ROBO2: variants seen among roughly 807,000 people sequenced by gnomAD.
ROBO2 encodes the protein roundabout homolog 2.
A neutral mutation model predicts 160.8 loss-of-function variants in ROBO2; 53 were observed. The observed-to-expected ratio is 0.33, with a 90% CI of 0.26 to 0.41. The LOEUF (loss-of-function observed/expected upper bound fraction) is 0.41, where lower values mean the gene tolerates loss of function less well. Ranked by LOEUF, ROBO2 falls within the 10% of genes least tolerant of loss-of-function variation. The pLI is 1.00. For missense variants in ROBO2, 1,577 were observed against 1,722.4 expected, an observed-to-expected ratio of 0.92 and a Z score of 1.49; for synonymous variants, 664 against 611.7, an observed-to-expected ratio of 1.09 and a Z score of -1.26.
At chr3:76,290,115 C>G (rs972936456) in intron 2 of ROBO2, among the ~76,000 whole-genome samples, 1 of 152,082 alleles carries the variant, frequency 6.6e-6, no homozygotes, top group African/African-American at 2.4e-5. Flanking sequence ...ATTGATTCTT[C>G]TAATCCATGA....
intron 2 of ROBO2, among the ~76,000 whole-genome samples, chr3:77,381,209 G>A (rs913067121): frequency 6.6e-6 from 1 of 152,156 alleles, no homozygotes. Flanking sequence ...CAGCTACTCC[G>A]GAGGCTGAGG....
chr3:77,548,710 T>A (rs1292406097), intron 7 of ROBO2, among the ~76,000 whole-genome samples: 1 of 151,936 alleles, frequency 6.6e-6, no homozygotes, highest in Non-Finnish European at 1.5e-5. Flanking sequence ...TTACATAAAA[T>A]CTTAAGTCTA....
At chr3:77,330,449 T>C (rs1581120560) in intron 2 of ROBO2, among the ~76,000 whole-genome samples, 1 of 151,898 alleles carries the variant, frequency 6.6e-6, no homozygotes, top group Non-Finnish European at 1.5e-5. Flanking sequence ...ATCTGGGAGG[T>C]GGAGGTTGCT....
intron 1 of ROBO2, among the ~76,000 whole-genome samples, chr3:77,060,998 C>T (rs2066245502): frequency 6.6e-6 from 1 of 151,826 alleles, no homozygotes; most frequent in South Asian, 2.1e-4. Context: ...GACAGTGGTG[C>T]AATCATAGCT....
At position 76,921,681 on chromosome 3, in the gene ROBO2, G is replaced by C. The variant is rs187884834; in HGVS notation, c.110-176333G>C. Among the ~76,000 whole-genome samples the C allele has an allele frequency of 8.5e-3, 1,289 of 152,088 alleles. 8 individuals are homozygous for C. The highest frequency in any genetic ancestry group is 0.012 in the Non-Finnish European group (837 of 67,938). On this transcript the variant is annotated intron_variant, in intron 2 of 26. Coordinates refer to the ROBO2 transcript ENST00000487694. ...TAAAAGCATTGAGTGTTTTTTGTTT[G>C]TTTCTTTCTTTCTTTCTTTCTTTTT...
chr3:76,732,252 C>T (rs2093648468), intron 2 of ROBO2, among the ~76,000 whole-genome samples: 1 of 152,040 alleles, frequency 6.6e-6, no homozygotes, highest in Non-Finnish European at 1.5e-5. Context: ...TCTTAGAAGA[C>T]TGAAGGAGAC....
chr3:76,791,829 C>T (rs990063409), intron 2 of ROBO2, among the ~76,000 whole-genome samples: 5 of 151,816 alleles, frequency 3.3e-5, no homozygotes, highest in Non-Finnish European at 4.4e-5. Flanking sequence ...CACACACACA[C>T]ACAAAATGAT....
intron 2 of ROBO2, among the ~76,000 whole-genome samples, chr3:76,530,065 T>C (rs2082143895): frequency 6.6e-6 from 1 of 152,134 alleles, no homozygotes; most frequent in Admixed American, 6.6e-5. Flanking sequence ...TGCCACTTTC[T>C]GGCCACAGAT....
intron 2 of ROBO2, among the ~76,000 whole-genome samples, chr3:77,412,670 A>G (rs567696436): frequency 3.9e-5 from 6 of 152,308 alleles, no homozygotes; most frequent in African/African-American, 1.2e-4. Flanking sequence ...AAGATCTGAA[A>G]GTCTTTGCAA....
intron 5 of ROBO2, among the ~76,000 whole-genome samples, chr3:77,517,225 C>T (rs2090119165): frequency 1.3e-5 from 2 of 151,476 alleles, no homozygotes; most frequent in African/African-American, 4.8e-5. Flanking sequence ...GCAGGAAAGA[C>T]ATGTATAAGG....
chr3:76,951,340 C>T (rs980660865), intron 2 of ROBO2, among the ~76,000 whole-genome samples: 6 of 152,198 alleles, frequency 3.9e-5, no homozygotes, highest in Admixed American at 1.3e-4. Context: ...TTCTATCTAA[C>T]GGATCTCTGT....
At chr3:77,295,545 A>G (rs988754918) in intron 2 of ROBO2, among the ~76,000 whole-genome samples, 2 of 144,292 alleles carry the variant, frequency 1.4e-5, no homozygotes, top group African/African-American at 5.1e-5. Flanking sequence ...CTGAGGCTAG[A>G]TCACCAAAGT....
chr3:76,588,714 T>C (rs1267789365), intron 2 of ROBO2, among the ~76,000 whole-genome samples: 2 of 152,232 alleles, frequency 1.3e-5, no homozygotes, highest in African/African-American at 4.8e-5. Context: ...TAACTTACTT[T>C]TGAGTTGAAG....
At chr3:76,947,608 G>GT (rs1225560075) in intron 2 of ROBO2, among the ~76,000 whole-genome samples, 2 of 151,578 alleles carry the variant, frequency 1.3e-5, no homozygotes, top group Non-Finnish European at 2.9e-5. Context: ...CATGTGACTG[G>GT]TTTTTTCTTA....
chr3:76,048,788 T>G (rs957021378), intron 2 of ROBO2, among the ~76,000 whole-genome samples: 1 of 152,062 alleles, frequency 6.6e-6, no homozygotes, highest in Non-Finnish European at 1.5e-5. Flanking sequence ...GCACTGAAGA[T>G]TGACAGGAGA....
intron 2 of ROBO2, among the ~76,000 whole-genome samples, chr3:76,850,288 C>T (rs535655406): frequency 2.6e-4 from 40 of 152,248 alleles, no homozygotes; most frequent in Admixed American, 1.0e-3. Flanking sequence ...TAACTTTCTT[C>T]CATTATATAT....
chr3:77,553,248 T>C (rs930060889), intron 8 of ROBO2, among the ~76,000 whole-genome samples: 3 of 152,012 alleles, frequency 2.0e-5, no homozygotes. Flanking sequence ...TTTTGGGGGG[T>C]ATCACAAACT....
chr3:77,475,163 A>G (rs937448827), intron 2 of ROBO2, among the ~76,000 whole-genome samples: 10 of 152,190 alleles, frequency 6.6e-5, no homozygotes, highest in Non-Finnish European at 1.0e-4. Flanking sequence ...ACTGAGTACT[A>G]TACAAACCCC....
At chr3:77,418,225 G>A (rs76460166) in intron 2 of ROBO2, among the ~76,000 whole-genome samples, 2,020 of 152,192 alleles carry the variant, frequency 0.013, 45 homozygotes, top group African/African-American at 0.044. Context: ...TATCAACTGT[G>A]TTTAGCATGG....
Sources: allele counts gnomAD v4.1 joint callset (sites outside exome capture counted in the v4.1 genomes callset), GRCh38; gene constraint gnomAD v4.1.1; transcripts MANE v1.5; gene names NCBI Gene and HGNC (gene_info 2026-07-23, HGNC 2026-07-21).